Variants in ZFR observed in about 807,000 individuals in gnomAD.
ZFR encodes zinc finger RNA binding protein.
Under a neutral mutation model 130.7 loss-of-function variants are expected in ZFR, and 19 were observed. That is an observed-to-expected ratio of 0.15 (90% CI 0.10 to 0.21). The LOEUF is 0.21. ZFR is among the 10% of genes least tolerant of loss of function. The pLI is 1.00. For missense variants in ZFR, 872 were observed against 1,321.5 expected, an observed-to-expected ratio of 0.66 and a Z score of 5.27; for synonymous variants, 466 against 456.9, an observed-to-expected ratio of 1.02 and a Z score of -0.25.
chr5:32,430,967 C>A (rs1465020262), intron 2 of ZFR, among the ~76,000 whole-genome samples: 5 of 152,112 alleles, frequency 3.3e-5, no homozygotes, highest in African/African-American at 9.7e-5. Context: ...CCTAGCTACT[C>A]AGGGGGCTGA....
In ZFR at chr5:32,400,200, C is replaced by A. The variant is rs1412838273; in HGVS notation, c.1520G>T (p.Gly507Val). 6.3e-7 allele frequency: 1 copy of A among 1,595,372 alleles called. No homozygotes were observed. Among genetic ancestry groups the A allele is most frequent in the African/African-American group, 1.3e-5 (1 of 74,126 alleles). The change falls in exon 9 of 20, where the codon GGT becomes GTT. Residue 507 changes from glycine (G) to valine (V), a missense_variant. Physicochemically the swap from Gly to Val is moderately radical, Grantham distance 109. Transcript: ENST00000265069. ...TSTPKINFVGGNKLQSTGNKA... is the reference protein window; with the variant it reads ...TSTPKINFVGVNKLQSTGNKA... ...ATTTCCTGTTGACTGCAGCTTATTACCACCTAGAAAAGTATCAAAAAGTTA... is the reference window on the plus strand; with the variant it reads ...ATTTCCTGTTGACTGCAGCTTATTAACACCTAGAAAAGTATCAAAAAGTTA...
intron 12 of ZFR, 48 bp downstream of exon 12, chr5:32,390,227 T>C (rs1386187881): frequency 6.3e-7 from 1 of 1,583,700 alleles, no homozygotes; most frequent in East Asian, 2.3e-5. Context: ...CTTCTAATGC[T>C]GAACCAGTCA....
intron 17 of ZFR, among the ~76,000 whole-genome samples, chr5:32,365,308 CTTAT>C (rs1315084063): frequency 6.6e-6 from 1 of 152,114 alleles, no homozygotes; most frequent in Non-Finnish European, 1.5e-5. Context: ...AGCTCATGGA[CTTAT>C]TTATCAGAAG....
At chr5:32,377,968 G>A (rs1272314844) in intron 17 of ZFR, among the ~76,000 whole-genome samples, 1 of 152,338 alleles carries the variant, frequency 6.6e-6, no homozygotes, top group Non-Finnish European at 1.5e-5. Context: ...TGGGATTACA[G>A]GCATGAGCCA....
intron 7 of ZFR, 146 bp from the exon 8 acceptor site, chr5:32,403,543 C>T (rs957272003): frequency 1.0e-5 from 10 of 973,156 alleles, no homozygotes; most frequent in Non-Finnish European, 1.5e-5. Flanking sequence ...CACACATATA[C>T]AAAACTCATT....
rs543530321 is a variant in ZFR, at chr5:32,364,000, G to A, written c.2993C>T (p.Thr998Ile). 27 of 1,614,102 alleles carry A rather than the reference G, an allele frequency of 1.7e-5. No homozygotes were observed. The East Asian group carries it at 6.0e-4, about 36-fold the overall frequency. ...LDPCEKDPFD[T>I]LATMTDQQRE... The stretch of plus-strand genomic sequence containing the variant: ...CTGCTGGTCAGTCATTGTTGCCAAG[G>A]TATCAAAGGGATCCTTTTCACAAGG... Residue 998 changes from threonine (T) to isoleucine (I), a missense_variant, in exon 19 of 20, where the codon ACC becomes ATC. By Grantham distance (89) the Thr-to-Ile change is moderately conservative (BLOSUM62 -1). Around this residue, in one of 7 missense-constraint regions of ZFR, gnomAD observed 158 missense variants for 264.0 expected, o/e 0.60. Coordinates refer to ENST00000265069, the MANE Select transcript of ZFR (RefSeq NM_016107.5).
chr5:32,420,055 A>G lies in ZFR; in HGVS notation c.186T>C (p.Ala62=), dbSNP rs1370007522. 1 of 1,612,088 alleles carries G rather than the reference A, an allele frequency of 6.2e-7. No homozygotes were observed. The highest frequency in any genetic ancestry group is 8.5e-7 in the Non-Finnish European group (1 of 1,178,914). The stretch of plus-strand genomic sequence containing the variant: ...CTGGAGCCTGATGGACAGTGTAGCT[A>G]GCAACTGTAGTTGGATGAGAATAGG... ...GVAYSHPTTV[A]SYTVHQAPVA... Residue 62 remains alanine, a synonymous_variant, in exon 3 of 20, where the codon GCT becomes GCC. Coordinates refer to ENST00000265069, the MANE Select transcript of ZFR (RefSeq NM_016107.5).
intron 15 of ZFR, among the ~76,000 whole-genome samples, chr5:32,382,785 G>A (rs923514479): frequency 6.6e-6 from 1 of 151,924 alleles, no homozygotes; most frequent in Non-Finnish European, 1.5e-5. Flanking sequence ...AATACCTATT[G>A]CAATTTAAAA....
chr5:32,391,357 C>T (rs1201813203), intron 11 of ZFR, among the ~76,000 whole-genome samples: 3 of 152,142 alleles, frequency 2.0e-5, no homozygotes, highest in Non-Finnish European at 4.4e-5. Context: ...GGGACTACTG[C>T]ACAGGCTGTG....
At chr5:32,399,583 G>A (rs909299145) in intron 9 of ZFR, among the ~76,000 whole-genome samples, 12 of 152,152 alleles carry the variant, frequency 7.9e-5, no homozygotes, top group African/African-American at 2.7e-4. Context: ...CTCCACTTGA[G>A]AAACCAAATG....
intron 17 of ZFR, among the ~76,000 whole-genome samples, chr5:32,378,341 G>C (rs547908429): frequency 6.6e-6 from 1 of 152,040 alleles, no homozygotes; most frequent in African/African-American, 2.4e-5. Flanking sequence ...TCTAAGATGA[G>C]ATTTGTTAAG....
At chr5:32,414,906 A>G (rs1753785475) in intron 5 of ZFR, 63 bp downstream of exon 5, 1 of 1,416,444 alleles carries the variant, frequency 7.1e-7, no homozygotes, top group Non-Finnish European at 9.7e-7. Context: ...GACAATCAAG[A>G]TAGTTTCTAC....
chr5:32,434,771 C>A (rs1754297824), intron 2 of ZFR, among the ~76,000 whole-genome samples: 1 of 151,984 alleles, frequency 6.6e-6, no homozygotes, highest in Admixed American at 6.6e-5. Flanking sequence ...GTTTTCTTTG[C>A]TCTTTGGAAG....
chr5:32,431,632 A>G (rs1754218768), intron 2 of ZFR, among the ~76,000 whole-genome samples: 1 of 152,206 alleles, frequency 6.6e-6, no homozygotes, highest in Non-Finnish European at 1.5e-5. Flanking sequence ...TTCATGGCAC[A>G]TGAAACACAA....
intron 17 of ZFR, among the ~76,000 whole-genome samples, chr5:32,371,058 C>T (rs753044696): frequency 1.3e-5 from 2 of 152,188 alleles, no homozygotes; most frequent in African/African-American, 2.4e-5. Context: ...AGATCTCTTG[C>T]CTCCAAAACA....
At position 32,388,694 on chromosome 5, in the gene ZFR, C is replaced by G; in HGVS notation, c.2143-20G>C. The G allele has an allele frequency of 6.4e-7, 1 of 1,558,944 alleles. No homozygotes were observed. The highest frequency in any genetic ancestry group is 2.3e-5 in the East Asian group (1 of 43,846). On this transcript the variant is annotated intron_variant, in intron 12 of 19. Transcript: ENST00000265069. ...TAAGGGCTACAGAGAAACAAAGTTGCTCAATTTAAAAAAAAGTTTCCTGAG... is the reference window on the plus strand; with the variant it reads ...TAAGGGCTACAGAGAAACAAAGTTGGTCAATTTAAAAAAAAGTTTCCTGAG...
chr5:32,440,388 C>T (rs1041201245), intron 2 of ZFR, among the ~76,000 whole-genome samples: 1 of 152,204 alleles, frequency 6.6e-6, no homozygotes, highest in African/African-American at 2.4e-5. Context: ...TGGCTCATGC[C>T]TGTAATCCCA....
chr5:32,402,379 T>A (rs1464990185), intron 8 of ZFR, among the ~76,000 whole-genome samples: 3 of 152,088 alleles, frequency 2.0e-5, no homozygotes, highest in Non-Finnish European at 4.4e-5. Context: ...GATTGGCAAT[T>A]AGGTCTTTGG....
intron 10 of ZFR, among the ~76,000 whole-genome samples, chr5:32,396,636 G>A (rs554401554): frequency 1.3e-5 from 2 of 152,196 alleles, no homozygotes; most frequent in East Asian, 3.9e-4. Context: ...TACTCGGGAG[G>A]CGGAGACAGG....
Sources: gnomAD v4.1 joint callset for allele counts (sites outside exome capture counted in the v4.1 genomes callset) on GRCh38, gnomAD v4.1.1 for gene constraint, gnomAD v4.1.1 regional missense constraint, MANE v1.5 for transcripts, NCBI Gene and HGNC (gene_info 2026-07-23, HGNC 2026-07-21) for gene names.